Variants in L3HYPDH observed in about 807,000 individuals in gnomAD.
L3HYPDH encodes the protein trans-L-3-hydroxyproline dehydratase.
A neutral mutation model predicts 26.5 loss-of-function variants in L3HYPDH; 32 were observed. The observed-to-expected ratio is 1.21, with a 90% confidence interval of 0.91 to 1.62. L3HYPDH has a LOEUF of 1.62. L3HYPDH is among the 40% of genes most tolerant of loss of function. The pLI, the probability that L3HYPDH is intolerant of heterozygous loss-of-function variation, is 0.00. For synonymous variants in L3HYPDH, 215 were observed against 196.6 expected (o/e 1.09, Z -0.78); for missense variants, 554 against 476.4 (o/e 1.16, Z -1.52).
Position 59,479,224 on chromosome 14 carries a change from A to G in L3HYPDH, c.636T>C (p.Leu212=), listed in dbSNP as rs1334198688. ...CTGTCACTGCACTCGCTGCATCCAC[A>G]AGGTCCCTGGTCTTTGCAGAACAAA... ...LDICSAKTRD[L]VDAASAVTEA... Residue 212 remains leucine (L), a synonymous_variant, in exon 2 of 5, where the codon CTT becomes CTC. Transcript: ENST00000247194. The G allele has an allele frequency of 1.9e-6, 3 of 1,611,166 alleles. No homozygotes were observed. Among genetic ancestry groups the G allele is most frequent in the Admixed American group, 3.4e-5 (2 of 58,998 alleles).
chr14:59,478,176 G>A (rs1467154985), intron 2 of L3HYPDH, among the ~76,000 whole-genome samples: 2 of 152,090 alleles, frequency 1.3e-5, no homozygotes, highest in Non-Finnish European at 2.9e-5. Flanking sequence ...TTAACAGAAT[G>A]ACCACACACA....
upstream of L3HYPDH, chr14:59,485,131 G>A: frequency 6.3e-7 from 1 of 1,597,694 alleles, no homozygotes; most frequent in South Asian, 1.1e-5. Context: ...GTGATAGGCT[G>A]TTTATTTCAG....
At position 59,479,199 on chromosome 14, in the gene L3HYPDH, C is replaced by CGA. The variant is rs1566563083; in HGVS notation, c.660_661insTC (p.Glu221SerfsTer4). 6.2e-7 allele frequency: 1 copy of CGA among 1,608,030 alleles called. No individual in the cohort carries two copies. Among genetic ancestry groups the CGA allele is most frequent in the East Asian group, 2.2e-5 (1 of 44,722 alleles). On this transcript the variant is annotated frameshift_variant, in exon 2 of 5. Coordinates refer to ENST00000247194, the MANE Select transcript of L3HYPDH (RefSeq NM_144581.2). LOFTEE classifies it high-confidence loss of function. ...TTACTGACCTGAGCTTTCACTGCCT[C>CGA]TGTCACTGCACTCGCTGCATCCACA...
Position 59,484,405 on chromosome 14 carries a change from C to T in L3HYPDH, c.-89G>A, listed in dbSNP as rs536749525. 1.4e-6 allele frequency: 2 copies of T among 1,426,986 alleles called. No individual in the cohort carries two copies. Among genetic ancestry groups the T allele is most frequent in the African/African-American group, 1.4e-5 (1 of 71,150 alleles). The allele number at this position is 1,426,986 out of a possible 1,614,324, so 88.4% of individuals were successfully genotyped here. A position where few individuals can be genotyped will look rare whatever the true frequency, so the allele number is the denominator to read the frequency against. On this transcript the variant is annotated 5_prime_UTR_variant, in exon 1 of 5. Coordinates refer to ENST00000247194, the MANE Select transcript of L3HYPDH (RefSeq NM_144581.2). ...CTGACTCCGCGGGAGGAGGGCGGGA[C>T]GCTAACCAGCCACGTCCGGGGGGCG... is the stretch of plus-strand genomic sequence containing the variant.
the L3HYPDH span, chr14:59,503,826 CTTT>C: frequency 6.9e-7 from 1 of 1,450,794 alleles, no homozygotes; most frequent in Non-Finnish European, 9.6e-7. Context: ...CTGTATTTCT[CTTT>C]TCTTTCTTTT....
upstream of L3HYPDH, chr14:59,484,575 A>T (rs199521684): frequency 3.2e-6 from 5 of 1,574,114 alleles, no homozygotes; most frequent in South Asian, 4.7e-5. Context: ...CTCGAAAAAA[A>T]CCTTCAGGCG....
upstream of L3HYPDH, chr14:59,484,690 G>C: frequency 7.0e-7 from 1 of 1,432,340 alleles, no homozygotes; most frequent in Non-Finnish European, 9.6e-7. Flanking sequence ...GGCGGCCTTC[G>C]GTTGGCGGCG....
the L3HYPDH span, chr14:59,494,909 A>T: frequency 5.4e-6 from 4 of 746,412 alleles, no homozygotes; most frequent in East Asian, 2.7e-5. Flanking sequence ...GTAGTTTTTG[A>T]CTTTTCTTAT....
intron 4 of L3HYPDH, among the ~76,000 whole-genome samples, chr14:59,474,055 CTAAAGG>C (rs1253741987): frequency 6.6e-6 from 1 of 152,132 alleles, no homozygotes; most frequent in African/African-American, 2.4e-5. Context: ...ATAACTGAAG[CTAAAGG>C]TAAAATGTCA....
the L3HYPDH span, among the ~76,000 whole-genome samples, chr14:59,503,247 AAGTT>A: frequency 3.9e-5 from 6 of 152,336 alleles, no homozygotes; most frequent in Admixed American, 2.0e-4. Flanking sequence ...TAATAAGAGA[AAGTT>A]AGTAACTAAC....
chr14:59,499,550 A>G, the L3HYPDH span, among the ~76,000 whole-genome samples: 3 of 152,208 alleles, frequency 2.0e-5, no homozygotes, highest in Non-Finnish European at 2.9e-5. Flanking sequence ...GAATAAGACA[A>G]ATTCACTGTT....
At chr14:59,467,982 G>A (rs1889234578), downstream of L3HYPDH, among the ~76,000 whole-genome samples, 1 of 152,016 alleles carries the variant, frequency 6.6e-6, no homozygotes. Context: ...CCTCTCTTTG[G>A]ACTACTGTTG....
chr14:59,501,125 T>G, the L3HYPDH span: 1 of 1,001,192 alleles, frequency 1.0e-6, no homozygotes, highest in Admixed American at 2.1e-5. Context: ...ACTATTTGAA[T>G]TTATTTGATG....
chr14:59,496,841 A>G, the L3HYPDH span, among the ~76,000 whole-genome samples: 2 of 152,196 alleles, frequency 1.3e-5, no homozygotes, highest in Non-Finnish European at 2.9e-5. Context: ...TTATTATACA[A>G]AACAGTGATT....
chr14:59,493,139 T>TA, the L3HYPDH span, among the ~76,000 whole-genome samples: 2 of 152,094 alleles, frequency 1.3e-5, no homozygotes, highest in Non-Finnish European at 2.9e-5. Flanking sequence ...CTTCAGGTTT[T>TA]ACAAAAATAA....
At chr14:59,494,334 AT>A in the L3HYPDH span, among the ~76,000 whole-genome samples, 7 of 152,346 alleles carry the variant, frequency 4.6e-5, no homozygotes, top group African/African-American at 1.2e-4. Flanking sequence ...GGATAAACAA[AT>A]CACAGTATTG....
chr14:59,496,996 A>ATT, the L3HYPDH span, among the ~76,000 whole-genome samples: 121 of 138,210 alleles, frequency 8.8e-4, 1 homozygote, highest in Middle Eastern at 3.8e-3. Flanking sequence ...AGTCATAGTA[A>ATT]TTTTTTTTTT....
chr14:59,502,773 T>TTTTTTTTTTTG, the L3HYPDH span, among the ~76,000 whole-genome samples: 96 of 102,828 alleles, frequency 9.3e-4, 5 homozygotes, highest in African/African-American at 1.2e-3. Flanking sequence ...TTTTTTTTTT[T>TTTTTTTTTTTG]CGGAGTCTCA....
Position 59,484,045 on chromosome 14 carries a change from C to A in L3HYPDH, c.272G>T (p.Gly91Val). Residue 91 changes from glycine to valine, a missense_variant, in exon 1 of 5, where the codon GGC (glycine) becomes GTC (valine). Transcript: ENST00000247194. ...VPSELPDAHL[G>V]VLFLHNEGYS... ...GCCCTCGTTGTGCAGGAACAGGACG[C>A]CCAGATGCGCGTCCGGCAGCTCGCT... The A allele has an allele frequency of 6.2e-7, 1 of 1,606,400 alleles. No homozygotes were observed. The highest frequency in any genetic ancestry group is 8.5e-7 in the Non-Finnish European group (1 of 1,179,478).
Sources: allele counts gnomAD v4.1 joint callset (sites outside exome capture counted in the v4.1 genomes callset), GRCh38; gene constraint gnomAD v4.1.1; transcripts MANE v1.5; gene names NCBI Gene and HGNC (gene_info 2026-07-23, HGNC 2026-07-21).